The following MAN1B1 variants were observed in gnomAD, a reference collection of about 807,000 sequenced individuals.
MAN1B1 encodes the protein mannosidase alpha class 1B member 1, also known as endoplasmic reticulum mannosyl-oligosaccharide 1,2-alpha-mannosidase.
MAN1B1 carries 66 observed loss-of-function variants against 75.5 expected under a neutral mutation model. The observed-to-expected ratio is 0.87, with a 90% CI of 0.72 to 1.07. MAN1B1 has a LOEUF of 1.07. Among genes scored for constraint, MAN1B1 ranks in the 50% least tolerant of loss-of-function variants. The pLI, the probability that MAN1B1 is intolerant of heterozygous loss-of-function variation, is 0.00. For synonymous variants in MAN1B1, 453 were observed against 382.8 expected (o/e 1.18, Z -2.14); for missense variants, 973 against 912.5 (o/e 1.07, Z -0.85).
rs377287743 is a variant in MAN1B1 at position 137,096,403 on chromosome 9, A to G, written c.620+12A>G. 98 of 1,612,866 alleles carry G rather than the reference A, an allele frequency of 6.1e-5. No individual in the cohort carries two copies. Among genetic ancestry groups the G allele is most frequent in the Non-Finnish European group, 8.1e-5 (95 of 1,179,694 alleles). ...AGGACAGTCATCAGGTACAGAGCGC[A>G]GGGCAGGCTGCACGCCGCCGCTCAG... is the stretch of plus-strand genomic sequence containing the variant. On this transcript the variant is annotated intron_variant, in intron 4 of 12. Coordinates refer to ENST00000371589, the MANE Select transcript of MAN1B1 (RefSeq NM_016219.5).
At chr9:137,096,905 G>A (rs573661343) in intron 4 of MAN1B1, among the ~76,000 whole-genome samples, 17 of 152,354 alleles carry the variant, frequency 1.1e-4, no homozygotes, top group African/African-American at 3.8e-4. Context: ...GATTGTGGTT[G>A]AGGCGGAAGG....
At chr9:137,108,286 TG>T in intron 12 of MAN1B1, 101 bp from the exon 13 acceptor site, 5 of 1,070,580 alleles carry the variant, frequency 4.7e-6, no homozygotes, top group Non-Finnish European at 4.3e-6. Flanking sequence ...GAGCTTGCGC[TG>T]GGGGCCACAT....
chr9:137,103,322 G>A, intron 8 of MAN1B1: 1 of 444,384 alleles, frequency 2.3e-6, no homozygotes, highest in Non-Finnish European at 4.5e-6. Flanking sequence ...AGGCGTGCAG[G>A]TCGGTGGTGT....
chr9:137,109,130 G>GC lies in MAN1B1; in HGVS notation c.*543dup, dbSNP rs780652000. 34 of 454,808 alleles carry GC rather than the reference G, an allele frequency of 7.5e-5. No homozygotes were observed. Among genetic ancestry groups the GC allele is most frequent in the Non-Finnish European group, 1.3e-4 (29 of 227,088 alleles). 28.2% of individuals were successfully genotyped at this position (454,808 alleles called of 1,614,324 possible). A position where few individuals can be genotyped will look rare whatever the true frequency, so the allele number is the denominator to read the frequency against. ...GACGGCAAGTCCGTCTAGCTCACGG[G>GC]CCCCTCCAGTGGAATGGGTCTTTTC... On this transcript the variant is annotated 3_prime_UTR_variant, in exon 13 of 13. Coordinates refer to ENST00000371589, the MANE Select transcript of MAN1B1 (RefSeq NM_016219.5).
At chr9:137,087,640 T>C (rs1205137286) in intron 1 of MAN1B1, 1 of 417,090 alleles carries the variant, frequency 2.4e-6, no homozygotes, top group Non-Finnish European at 4.5e-6. Flanking sequence ...AGGGCATTGA[T>C]AACCACATGC....
At chr9:137,099,587 C>G (rs752405808) in intron 5 of MAN1B1, 109 bp from the exon 6 acceptor site, 1 of 1,239,784 alleles carries the variant, frequency 8.1e-7, no homozygotes, top group African/African-American at 1.5e-5. Flanking sequence ...CCAAACCCAC[C>G]GTCATCTTTG....
At position 137,104,628 on chromosome 9, in the gene MAN1B1, C is replaced by T. The variant is rs144780610; in HGVS notation, c.1255-1497C>T. The stretch of plus-strand genomic sequence containing the variant: ...ATTCCTTTTTCAGGCTGAATATCTG[C>T]TGCGTGGCTAGGCCACTTTTTGTTT... On this transcript the variant is annotated intron_variant, in intron 8 of 12. Transcript: ENST00000371589. 2.3e-3 allele frequency: 386 copies of T among 170,546 alleles called. 4 individuals carry two copies. Among genetic ancestry groups the T allele is most frequent in the East Asian group, 7.9e-3 (52 of 6,584 alleles). 10.6% of individuals were successfully genotyped at this position (170,546 alleles called of 1,614,324 possible). A position where few individuals can be genotyped will look rare whatever the true frequency, so the allele number is the denominator to read the frequency against.
chr9:137,087,822 C>T (rs754707938), intron 1 of MAN1B1, among the ~76,000 whole-genome samples: 3 of 152,182 alleles, frequency 2.0e-5, no homozygotes, highest in African/African-American at 7.2e-5. Context: ...TGTTCCTACT[C>T]CCTGCTGAGA....
Position 137,107,252 on chromosome 9 carries a change from C to T in MAN1B1, c.1569C>T (p.Asp523=), listed in dbSNP as rs1411159034. The change falls in exon 11 of 13, where the codon GAC becomes GAT. Residue 523 remains aspartate, a splice_region_variant and synonymous_variant. Coordinates refer to ENST00000371589, the MANE Select transcript of MAN1B1 (RefSeq NM_016219.5). ...CTGAAGAGACCCTCTGATTCCAGGA[C>T]CACCTGGTGTGCTTCCTGCCAGGGA... ...LAHGRFSAKM[D]HLVCFLPGTL... The T allele has an allele frequency of 1.9e-6, 3 of 1,612,784 alleles. No homozygotes were observed. The highest frequency in any genetic ancestry group is 2.5e-6 in the Non-Finnish European group (3 of 1,179,848).
intron 12 of MAN1B1, 50 bp from the exon 13 acceptor site, chr9:137,108,338 G>T (rs757924443): frequency 3.4e-6 from 5 of 1,485,778 alleles, no homozygotes; most frequent in Admixed American, 3.3e-5. Context: ...GAGGCTGAGG[G>T]GGGTGCAGGG....
intron 2 of MAN1B1, 148 bp from the exon 3 acceptor site, chr9:137,088,721 G>A (rs766594890): frequency 9.5e-5 from 86 of 909,878 alleles, no homozygotes; most frequent in Non-Finnish European, 1.4e-4. Flanking sequence ...TCATTCCCTT[G>A]GGACATTGTT....
At chr9:137,087,260 G>C in intron 1 of MAN1B1, 42 bp downstream of exon 1, 1 of 1,543,458 alleles carries the variant, frequency 6.5e-7, no homozygotes, top group South Asian at 1.2e-5. Context: ...GGGCTGCCGT[G>C]CCCGCCGCCC....
rs1321086561 is a variant in MAN1B1 at position 137,106,149 on chromosome 9, C to G, written c.1279C>G (p.His427Asp). 6.2e-7 allele frequency: 1 copy of G among 1,612,924 alleles called. No homozygotes were observed. Among genetic ancestry groups the G allele is most frequent in the African/African-American group, 1.3e-5 (1 of 74,934 alleles). Reference protein sequence around the residue: ...FQEAVEKVTQHIHGLSGKKDG... With the variant: ...FQEAVEKVTQDIHGLSGKKDG... The stretch of plus-strand genomic sequence containing the variant: ...GGAGGCAGTGGAGAAGGTGACACAG[C>G]ACATCCACGGCCTGTCTGGGAAGAA... Residue 427 changes from histidine to aspartate, a missense_variant, in exon 9 of 13, where the codon CAC becomes GAC. His to Asp is a moderately conservative substitution (Grantham distance 81). Transcript: ENST00000371589.
chr9:137,098,032 C>G, intron 5 of MAN1B1, 95 bp downstream of exon 5: 2 of 917,222 alleles, frequency 2.2e-6, no homozygotes, highest in Admixed American at 4.0e-5. Context: ...GTGGCGCCCC[C>G]GCCCTGGTGT....
rs574151197 is a variant in MAN1B1 at position 137,107,431 on chromosome 9, G to A, written c.1748G>A (p.Arg583Gln). The A allele has an allele frequency of 1.1e-4, 179 of 1,613,396 alleles. No homozygotes were observed. The highest frequency in any genetic ancestry group is 1.6e-4 in the South Asian group (15 of 91,084). The change falls in exon 11 of 13, where the codon CGG (arginine) becomes CAG (glutamine). Residue 583 changes from arginine (R) to glutamine (Q), a missense_variant. Coordinates refer to ENST00000371589, the MANE Select transcript of MAN1B1 (RefSeq NM_016219.5). The part of the protein sequence containing the change: ...HFNLYPQPGR[R>Q]DVEVKPADRH... Reference sequence around the variant, plus strand: ...AACCTTTACCCCCAGCCGGGCCGTCGGGACGTGGAGGTCAAGGTGGGCCTG... The same window carrying A: ...AACCTTTACCCCCAGCCGGGCCGTCAGGACGTGGAGGTCAAGGTGGGCCTG...
In MAN1B1 at chr9:137,087,230, G is replaced by A; in HGVS notation, c.219+12G>A. The A allele has an allele frequency of 6.4e-7, 1 of 1,563,828 alleles. No homozygotes were observed. The highest frequency in any genetic ancestry group is 8.7e-7 in the Non-Finnish European group (1 of 1,154,632). ...GCTCGTGCTGGAGGGTGAGGGTCGC[G>A]CCGGGCTGACTGGGGCCCGGGGCTG... On this transcript the variant is annotated intron_variant, in intron 1 of 12. Coordinates refer to ENST00000371589, the MANE Select transcript of MAN1B1 (RefSeq NM_016219.5).
At chr9:137,107,177 G>A (rs756997330) in intron 10 of MAN1B1, 73 bp from the exon 11 acceptor site, 26 of 1,520,896 alleles carry the variant, frequency 1.7e-5, no homozygotes, top group African/African-American at 6.9e-5. Context: ...GGGCTCCCAC[G>A]TTGGCTGCCC....
At position 137,107,607 on chromosome 9, in the gene MAN1B1, G is replaced by C; in HGVS notation, c.1841G>C (p.Arg614Pro). ...LFYLYRVTGD[R>P]KYQDWGWEIL... is the part of the protein sequence containing the mutation. The stretch of plus-strand genomic sequence containing the variant: ...TACCTGTACCGCGTCACAGGGGACC[G>C]CAAATACCAGGACTGGGGCTGGGAG... The change falls in exon 12 of 13, where the codon CGC (arginine) becomes CCC (proline). Residue 614 changes from arginine to proline, a missense_variant. Transcript: ENST00000371589. 6.2e-7 allele frequency: 1 copy of C among 1,611,426 alleles called. No individual in the cohort carries two copies. Among genetic ancestry groups the C allele is most frequent in the Non-Finnish European group, 8.5e-7 (1 of 1,179,980 alleles).
Position 137,096,299 on chromosome 9 carries a change from CCTGAAGGATGGGA to C in MAN1B1, c.530_542del (p.Leu177ProfsTer32), listed in dbSNP as rs797045688. The C allele has an allele frequency of 4.5e-5, 73 of 1,614,002 alleles. No homozygotes were observed. Among genetic ancestry groups the C allele is most frequent in the Non-Finnish European group, 6.1e-5 (72 of 1,180,038 alleles). On this transcript the variant is annotated frameshift_variant, in exon 4 of 13. Transcript: ENST00000371589. LOFTEE classifies it high-confidence loss of function. The stretch of plus-strand genomic sequence containing the variant: ...TGCAGATTAGACCCCCAAGCCAAGA[CCTGAAGGATGGGA>C]CCCAGGAGGAGGCCACAAAAAGGCA...
Sources: allele counts gnomAD v4.1 joint callset (sites outside exome capture counted in the v4.1 genomes callset), GRCh38; gene constraint gnomAD v4.1.1; transcripts MANE v1.5; gene names NCBI Gene and HGNC (gene_info 2026-07-23, HGNC 2026-07-21).